Variants in C16orf96 observed in about 807,000 individuals in gnomAD.
C16orf96 encodes chromosome 16 open reading frame 96, also known as uncharacterized protein C16orf96.
C16orf96 carries 108 observed loss-of-function variants against 103.6 expected under a neutral mutation model. The observed-to-expected ratio is 1.04, with a 90% CI of 0.89 to 1.22. The LOEUF is 1.22. Among genes scored for constraint, C16orf96 ranks in the 50% most tolerant of loss-of-function variants. The pLI is 0.00. For synonymous variants in C16orf96, 566 were observed against 593.5 expected (o/e 0.95, Z 0.67); for missense variants, 1,586 against 1,464.2 (o/e 1.08, Z -1.36).
At position 4,579,994 on chromosome 16, in the gene C16orf96, G is replaced by A. The variant is rs1171634237; in HGVS notation, c.2242-21G>A. On this transcript the variant is annotated intron_variant, in intron 6 of 15. Transcript: ENST00000444310. ...AACTTCAGAAGCAGAGGCCTGGGGT[G>A]TCTGTGTCTCCCCCTTTTAGGAGGA... 9 of 1,542,302 alleles carry A rather than the reference G, an allele frequency of 5.8e-6. No individual in the cohort carries two copies. The African/African-American group carries it at 1.2e-4, about 21-fold the overall frequency.
the C16orf96 span, among the ~76,000 whole-genome samples, chr16:4,549,658 C>T: frequency 6.6e-6 from 1 of 151,788 alleles, no homozygotes; most frequent in Non-Finnish European, 1.5e-5. Flanking sequence ...ATTAGCCGGG[C>T]AGGGTTGCGG....
the C16orf96 span, among the ~76,000 whole-genome samples, chr16:4,540,331 C>T: frequency 3.9e-5 from 6 of 152,256 alleles, no homozygotes; most frequent in African/African-American, 1.4e-4. Context: ...ACATTCTATT[C>T]TGGAAGGGCA....
At position 4,595,136 on chromosome 16, in the gene C16orf96, G is replaced by A. The variant is rs564850284; in HGVS notation, c.3127+333G>A. On this transcript the variant is annotated intron_variant, in intron 14 of 15. Transcript: ENST00000444310. ...CAAGGGACGCCAGTCCACGGAGGAC[G>A]GACTGGACAGCTGCCCTGAAGCCCT... 7.9e-5 allele frequency among the ~76,000 whole-genome samples: 12 copies of A among 152,308 alleles called. No individual in the cohort carries two copies. The East Asian group carries it at 2.1e-3, about 27-fold the overall frequency.
chr16:4,598,951 C>G (rs1209028105), intron 14 of C16orf96, among the ~76,000 whole-genome samples: 1 of 151,678 alleles, frequency 6.6e-6, no homozygotes, highest in Non-Finnish European at 1.5e-5. Flanking sequence ...GACCTCCTCC[C>G]TAGGAAACAT....
chr16:4,579,582 G>A (rs1302892514), intron 6 of C16orf96, among the ~76,000 whole-genome samples: 4 of 140,520 alleles, frequency 2.8e-5, no homozygotes, highest in Non-Finnish European at 4.6e-5. Context: ...AAAAAAAAAT[G>A]GCAGGTGGAA....
chr16:4,558,880 A>G (rs893050760), intron 1 of C16orf96, among the ~76,000 whole-genome samples: 14 of 136,946 alleles, frequency 1.0e-4, no homozygotes, highest in African/African-American at 3.6e-4. Context: ...GCACCACTGC[A>G]TTCCAGCCTG....
At chr16:4,566,262 C>A (rs2059384544) in intron 1 of C16orf96, among the ~76,000 whole-genome samples, 1 of 152,186 alleles carries the variant, frequency 6.6e-6, no homozygotes, top group Non-Finnish European at 1.5e-5. Context: ...GCCACACTGA[C>A]TTCTAAAATG....
intron 7 of C16orf96, among the ~76,000 whole-genome samples, chr16:4,585,021 C>G (rs1896887779): frequency 6.6e-6 from 1 of 152,050 alleles, no homozygotes; most frequent in Admixed American, 6.6e-5. Flanking sequence ...GTGGCTTGCA[C>G]CTATAGTCCC....
At chr16:4,562,864 T>C in intron 1 of C16orf96, 1 of 1,384,812 alleles carries the variant, frequency 7.2e-7, no homozygotes, top group Non-Finnish European at 1.0e-6. Flanking sequence ...GTCAGCTGGC[T>C]CCATTGTTCT....
rs1567435209 is a variant in C16orf96 at position 4,556,433 on chromosome 16, T to C, written c.-57T>C. The stretch of plus-strand genomic sequence containing the variant: ...TGTAGCTCTCGGAACCACTGAAAGC[T>C]ACCCCTTGTCCTTGAGGACACCTGG... On this transcript the variant is annotated 5_prime_UTR_variant, in exon 1 of 16. Transcript: ENST00000444310. The C allele has an allele frequency of 4.8e-6, 7 of 1,462,022 alleles. No homozygotes were observed. Among genetic ancestry groups the C allele is most frequent in the African/African-American group, 4.3e-5 (3 of 70,526 alleles). The allele number at this position is 1,462,022 out of a possible 1,614,324, so 90.6% of individuals were successfully genotyped here. A position where few individuals can be genotyped will look rare whatever the true frequency, so the allele number is the denominator to read the frequency against.
At chr16:4,554,576 C>G (rs539371251), upstream of C16orf96, among the ~76,000 whole-genome samples, 11 of 151,972 alleles carry the variant, frequency 7.2e-5, no homozygotes, top group African/African-American at 2.7e-4. Context: ...AAGATGGTCT[C>G]AATCTTCTGA....
In C16orf96 at chr16:4,591,798, C is replaced by T. The variant is rs1198643249; in HGVS notation, c.2711+14C>T. The T allele has an allele frequency of 6.8e-6, 10 of 1,478,340 alleles. No homozygotes were observed. Among genetic ancestry groups the T allele is most frequent in the East Asian group, 2.7e-5 (1 of 37,540 alleles). 91.6% of individuals were successfully genotyped at this position (1,478,340 alleles called of 1,614,324 possible). On this transcript the variant is annotated intron_variant, in intron 10 of 15. Transcript: ENST00000444310. ...TGGCTTTAGGAGGTGAGTGCCCGCC[C>T]GAGCCCCTCCTGGTAGGGGTCCTGC...
chr16:4,586,217 G>A (rs375447143), intron 7 of C16orf96, among the ~76,000 whole-genome samples: 10 of 152,136 alleles, frequency 6.6e-5, no homozygotes, highest in East Asian at 5.8e-4. Flanking sequence ...CCGAAATGGC[G>A]CCACTGCACT....
At chr16:4,581,998 A>C (rs1007535281) in intron 7 of C16orf96, among the ~76,000 whole-genome samples, 1 of 151,780 alleles carries the variant, frequency 6.6e-6, no homozygotes, top group Non-Finnish European at 1.5e-5. Context: ...AAACTCACTA[A>C]CGGCCAGGCG....
chr16:4,555,464 C>A (rs1448012400), upstream of C16orf96, among the ~76,000 whole-genome samples: 1 of 151,786 alleles, frequency 6.6e-6, no homozygotes, highest in Non-Finnish European at 1.5e-5. Context: ...ACCTCCACCT[C>A]CCGGATTTAA....
the C16orf96 span, among the ~76,000 whole-genome samples, chr16:4,540,760 T>C: frequency 6.6e-6 from 1 of 152,036 alleles, no homozygotes; most frequent in East Asian, 1.9e-4. Flanking sequence ...TCTTTCTTTT[T>C]TTTTTGAGAT....
intron 1 of C16orf96, among the ~76,000 whole-genome samples, chr16:4,570,104 G>C (rs1250957548): frequency 1.1e-5 from 1 of 89,428 alleles, no homozygotes; most frequent in East Asian, 8.5e-4. Flanking sequence ...CCCCAAGCTA[G>C]AACTTTTTTA....
the C16orf96 span, among the ~76,000 whole-genome samples, chr16:4,551,190 G>A: frequency 2.6e-5 from 4 of 152,186 alleles, no homozygotes; most frequent in African/African-American, 9.6e-5. Flanking sequence ...AGGATTGCTG[G>A]AACCCAGGTG....
intron 1 of C16orf96, among the ~76,000 whole-genome samples, chr16:4,567,385 G>A (rs1384311059): frequency 2.8e-5 from 4 of 143,998 alleles, no homozygotes; most frequent in African/African-American, 7.6e-5. Context: ...CTGGGTTCAC[G>A]CCATTCTCCT....
Sources: allele counts gnomAD v4.1 joint callset (sites outside exome capture counted in the v4.1 genomes callset), GRCh38; gene constraint gnomAD v4.1.1; transcripts MANE v1.5; gene names NCBI Gene and HGNC (gene_info 2026-07-23, HGNC 2026-07-21).